Variants in GALNTL6 observed in about 807,000 individuals in gnomAD.
GALNTL6 encodes polypeptide N-acetylgalactosaminyltransferase-like 6.
Under a neutral mutation model 73.7 loss-of-function variants are expected in GALNTL6, and 46 were observed. That is an observed-to-expected ratio of 0.62 (90% CI 0.49 to 0.80). GALNTL6 has a LOEUF of 0.80. Among genes scored for constraint, GALNTL6 ranks in the 30% least tolerant of loss-of-function variants. The pLI, the probability that GALNTL6 is intolerant of heterozygous loss-of-function variation, is 0.00. For missense variants in GALNTL6, 604 were observed against 755.0 expected (o/e 0.80, Z 2.34); for synonymous variants, 259 against 263.7 (o/e 0.98, Z 0.17).
intron 2 of GALNTL6, among the ~76,000 whole-genome samples, chr4:172,039,487 G>A (rs1002138690): frequency 6.6e-6 from 1 of 152,162 alleles, no homozygotes; most frequent in Admixed American, 6.6e-5. Context: ...GGCTATATTA[G>A]CAGCTGTCAC....
chr4:172,668,257 T>A (rs1444242000), intron 5 of GALNTL6: 2 of 152,210 alleles, frequency 1.3e-5, no homozygotes, highest in East Asian at 3.8e-4. Context: ...AAAAATGAAT[T>A]GTACATTACA....
intron 5 of GALNTL6, among the ~76,000 whole-genome samples, chr4:172,384,484 A>G (rs1743391412): frequency 6.6e-6 from 1 of 150,836 alleles, no homozygotes; most frequent in African/African-American, 2.4e-5. Flanking sequence ...TGTAATTTAC[A>G]TTTTCTCTCA....
intron 8 of GALNTL6, among the ~76,000 whole-genome samples, chr4:172,915,041 C>A (rs1039275657): frequency 6.6e-6 from 1 of 152,186 alleles, no homozygotes; most frequent in Non-Finnish European, 1.5e-5. Context: ...GAAATTATAA[C>A]AAACTGTCTC....
At chr4:172,112,785 G>A (rs1732888580) in intron 2 of GALNTL6, among the ~76,000 whole-genome samples, 1 of 151,794 alleles carries the variant, frequency 6.6e-6, no homozygotes, top group South Asian at 2.1e-4. Flanking sequence ...CTTTATTAAT[G>A]GGATAAGCAC....
At chr4:172,206,636 G>A (rs11722622) in intron 2 of GALNTL6, among the ~76,000 whole-genome samples, 9,125 of 151,982 alleles carry the variant, frequency 0.06, 283 homozygotes, top group South Asian at 0.098. Flanking sequence ...ATTGAAGTGA[G>A]ACCTGAATGA....
chr4:172,393,998 T>TA (rs905570413), intron 5 of GALNTL6, among the ~76,000 whole-genome samples: 2 of 152,146 alleles, frequency 1.3e-5, no homozygotes, highest in African/African-American at 4.8e-5. Context: ...AAAAGTTTAA[T>TA]AAAAAGTTGT....
At chr4:172,876,215 A>G (rs1745186668) in intron 7 of GALNTL6, among the ~76,000 whole-genome samples, 1 of 152,234 alleles carries the variant, frequency 6.6e-6, no homozygotes, top group Admixed American at 6.5e-5. Context: ...AAACCATAAC[A>G]GTATTATATG....
intron 7 of GALNTL6, among the ~76,000 whole-genome samples, chr4:172,868,397 T>G (rs145381297): frequency 1.3e-4 from 19 of 151,996 alleles, no homozygotes; most frequent in Admixed American, 2.6e-4. Flanking sequence ...TTTAGAGAGA[T>G]GAAAAAGGAT....
intron 2 of GALNTL6, among the ~76,000 whole-genome samples, chr4:171,956,011 T>TTG (rs527611161): frequency 5.3e-5 from 8 of 151,594 alleles, no homozygotes; most frequent in Non-Finnish European, 8.8e-5. Flanking sequence ...TGTGTGTGTG[T>TTG]GTGGGACAGG....
chr4:171,994,899 T>G (rs900097750), intron 2 of GALNTL6, among the ~76,000 whole-genome samples: 1 of 151,938 alleles, frequency 6.6e-6, no homozygotes, highest in African/African-American at 2.4e-5. Flanking sequence ...AACTAATTAT[T>G]TATGTGAAAA....
chr4:172,532,140 C>A (rs1274774703), intron 5 of GALNTL6, among the ~76,000 whole-genome samples: 1 of 152,108 alleles, frequency 6.6e-6, no homozygotes, highest in Non-Finnish European at 1.5e-5. Context: ...GATTGATACA[C>A]TGAAGTCCAA....
At chr4:171,851,503 C>CT (rs1735521866) in intron 2 of GALNTL6, among the ~76,000 whole-genome samples, 1 of 152,168 alleles carries the variant, frequency 6.6e-6, no homozygotes, top group African/African-American at 2.4e-5. Context: ...CAACCAATCT[C>CT]TTTTAACTTA....
At chr4:172,487,300 G>GTCTTTCTTTCTTTCTT (rs1212706952) in intron 5 of GALNTL6, among the ~76,000 whole-genome samples, 3 of 118,730 alleles carry the variant, frequency 2.5e-5, no homozygotes, top group African/African-American at 9.6e-5. Context: ...CTTTCCTTCT[G>GTCTTTCTTTCTTTCTT]TCTTTCTTTC....
rs188381373 is a variant in GALNTL6 at position 172,679,091 on chromosome 4, A to G, written c.554-130270A>G. Among the ~76,000 whole-genome samples the G allele has an allele frequency of 8.9e-4, 136 of 152,270 alleles. 1 individual carries two copies. Among genetic ancestry groups the G allele is most frequent in the East Asian group, 1.9e-4 (1 of 5,186 alleles). ...GAATTTTCTCATGTCATAAAATGTTATTTATGTTTTTAAAAATCATTTAAA... is the reference window on the plus strand; with the variant it reads ...GAATTTTCTCATGTCATAAAATGTTGTTTATGTTTTTAAAAATCATTTAAA... On this transcript the variant is annotated intron_variant, in intron 5 of 12. Coordinates refer to ENST00000506823, the MANE Select transcript of GALNTL6 (RefSeq NM_001034845.3).
chr4:172,484,120 A>T (rs974268807), intron 5 of GALNTL6, among the ~76,000 whole-genome samples: 1 of 152,138 alleles, frequency 6.6e-6, no homozygotes, highest in African/African-American at 2.4e-5. Flanking sequence ...TTGTTTTGAA[A>T]CAGATTCCTT....
intron 7 of GALNTL6, among the ~76,000 whole-genome samples, chr4:172,859,378 T>C (rs1177144781): frequency 6.6e-6 from 1 of 152,204 alleles, no homozygotes; most frequent in South Asian, 2.1e-4. Flanking sequence ...GGTCATGTCC[T>C]GGCTCTTGGT....
intron 10 of GALNTL6, among the ~76,000 whole-genome samples, chr4:172,957,284 A>G (rs1749796205): frequency 6.6e-6 from 1 of 152,204 alleles, no homozygotes; most frequent in Non-Finnish European, 1.5e-5. Context: ...GTTCTAAGAA[A>G]TGGGCTAGTG....
chr4:172,620,077 A>T (rs182939873), intron 5 of GALNTL6, among the ~76,000 whole-genome samples: 40 of 152,168 alleles, frequency 2.6e-4, no homozygotes, highest in Non-Finnish European at 1.5e-5. Flanking sequence ...CACAGTTTTC[A>T]TGTTTTTAGT....
At chr4:172,386,085 T>C (rs572595623) in intron 5 of GALNTL6, among the ~76,000 whole-genome samples, 1 of 152,302 alleles carries the variant, frequency 6.6e-6, no homozygotes, top group South Asian at 2.1e-4. Context: ...ATTGTATCTT[T>C]ATTCATTATA....
Sources: gnomAD v4.1 joint callset for allele counts (sites outside exome capture counted in the v4.1 genomes callset) on GRCh38, gnomAD v4.1.1 for gene constraint, MANE v1.5 for transcripts, NCBI Gene and HGNC (gene_info 2026-07-23, HGNC 2026-07-21) for gene names.